Variants in SVEP1 observed in about 807,000 individuals in gnomAD.
The protein encoded by SVEP1 is sushi, von Willebrand factor type A, EGF and pentraxin domain-containing protein 1.
In SVEP1, 164 loss-of-function variants were observed where a neutral mutation model predicts 367.3. That is an observed-to-expected ratio of 0.45 (90% CI 0.39 to 0.51). The LOEUF is 0.51. Among genes scored for constraint, SVEP1 ranks in the 20% least tolerant of loss-of-function variants. The probability of loss-of-function intolerance (pLI) is 0.00; values close to 1 mark genes in which losing one functional copy is unlikely to be tolerated. For synonymous variants in SVEP1, 1,666 were observed against 1,611.6 expected, an observed-to-expected ratio of 1.03 and a Z score of -0.81; for missense variants, 4,117 against 4,425.3, an observed-to-expected ratio of 0.93 and a Z score of 1.98.
chr9:110,465,547 G>A (rs993758918), intron 18 of SVEP1, among the ~76,000 whole-genome samples: 3 of 152,088 alleles, frequency 2.0e-5, no homozygotes, highest in African/African-American at 7.2e-5. Context: ...TATAAAGGAG[G>A]GAATGAAGTT....
chr9:110,519,714 G>A (rs770621491), intron 3 of SVEP1, among the ~76,000 whole-genome samples: 45 of 152,180 alleles, frequency 3.0e-4, no homozygotes, highest in Non-Finnish European at 2.6e-4. Context: ...CCCTGATGGA[G>A]AGTGGAGGGT....
chr9:110,403,296 G>GTTTTTTTTTTTTTTTTTTTT lies in SVEP1; in HGVS notation c.9666+1011_9666+1030dup. On this transcript the variant is annotated intron_variant, in intron 39 of 47. Coordinates refer to ENST00000374469, the MANE Select transcript of SVEP1 (RefSeq NM_153366.4). ...TGATGATTCCTTCCCCGCCACCGCC[G>GTTTTTTTTTTTTTTTTTTTT]TTTTTTTTTTTTTTTTTTTTTTTTT... Among the ~76,000 whole-genome samples the GTTTTTTTTTTTTTTTTTTTT allele has an allele frequency of 6.4e-4, 28 of 43,462 alleles. 10 individuals carry two copies. The highest frequency in any genetic ancestry group is 2.7e-3 in the East Asian group (4 of 1,462). 28.5% of individuals were successfully genotyped at this position (43,462 alleles called of 152,430 possible).
intron 43 of SVEP1, among the ~76,000 whole-genome samples, chr9:110,384,399 C>G (rs530697633): frequency 1.3e-5 from 2 of 151,704 alleles, no homozygotes; most frequent in South Asian, 4.2e-4. Context: ...CCTCAGTTGC[C>G]GGTGCAGGAT....
At chr9:110,445,486 G>GC (rs1169737439) in intron 26 of SVEP1, among the ~76,000 whole-genome samples, 1 of 152,160 alleles carries the variant, frequency 6.6e-6, no homozygotes, top group African/African-American at 2.4e-5. Flanking sequence ...TTGAGACTTA[G>GC]CCCTGCTACT....
chr9:110,493,105 AG>A (rs1829394249), intron 8 of SVEP1, among the ~76,000 whole-genome samples: 1 of 151,846 alleles, frequency 6.6e-6, no homozygotes, highest in Non-Finnish European at 1.5e-5. Flanking sequence ...ACTCTGCTCT[AG>A]GGGTTTTGAG....
At chr9:110,368,856 G>A (rs1322365284) in intron 47 of SVEP1, among the ~76,000 whole-genome samples, 1 of 152,078 alleles carries the variant, frequency 6.6e-6, no homozygotes, top group Admixed American at 6.5e-5. Context: ...ATGATGTGAG[G>A]AAATTCACTG....
chr9:110,439,370 C>T (rs530467010), intron 27 of SVEP1, among the ~76,000 whole-genome samples: 2 of 152,188 alleles, frequency 1.3e-5, no homozygotes, highest in African/African-American at 4.8e-5. Context: ...TGCAGGACTA[C>T]AAGAACATTA....
intron 27 of SVEP1, among the ~76,000 whole-genome samples, chr9:110,437,663 T>C (rs1285926398): frequency 6.6e-6 from 1 of 152,324 alleles, no homozygotes; most frequent in African/African-American, 2.4e-5. Flanking sequence ...TCAATAGTTT[T>C]TGGGGAATGG....
chr9:110,442,851 G>A (rs1828532377), intron 27 of SVEP1: 8 of 152,090 alleles, frequency 5.3e-5, no homozygotes, highest in Admixed American at 5.2e-4. Flanking sequence ...GTATTTTTGT[G>A]CTATATTTAT....
intron 3 of SVEP1, 33 bp from the exon 4 acceptor site, chr9:110,514,139 A>G (rs769253814): frequency 6.3e-7 from 1 of 1,596,734 alleles, no homozygotes; most frequent in African/African-American, 1.3e-5. Flanking sequence ...AGTCCATGTT[A>G]TGTGGCACAT....
chr9:110,414,890 T>C (rs190630502), intron 36 of SVEP1, among the ~76,000 whole-genome samples: 1 of 152,050 alleles, frequency 6.6e-6, no homozygotes, highest in Admixed American at 6.5e-5. Flanking sequence ...ACATATCTAA[T>C]AATTGCATTT....
At chr9:110,368,124 G>C (rs1388803710) in intron 47 of SVEP1, among the ~76,000 whole-genome samples, 1 of 139,892 alleles carries the variant, frequency 7.1e-6, no homozygotes, top group Admixed American at 7.1e-5. Context: ...GAACTAAACA[G>C]AAGAAAACCA....
intron 9 of SVEP1, among the ~76,000 whole-genome samples, chr9:110,489,114 T>C (rs1829328886): frequency 6.6e-6 from 1 of 151,918 alleles, no homozygotes; most frequent in Admixed American, 6.6e-5. Context: ...AGAGAAGTGG[T>C]AATAGTTAAA....
intron 22 of SVEP1, among the ~76,000 whole-genome samples, chr9:110,455,145 A>G (rs1419404376): frequency 1.3e-5 from 2 of 152,354 alleles, no homozygotes; most frequent in East Asian, 3.9e-4. Context: ...ACACACACAC[A>G]TGAACATCCA....
At chr9:110,398,130 A>G (rs368097544) in intron 40 of SVEP1, among the ~76,000 whole-genome samples, 35 of 151,926 alleles carry the variant, frequency 2.3e-4, no homozygotes, top group African/African-American at 5.1e-4. Context: ...CATGGTACTG[A>G]TACCAAAACA....
intron 15 of SVEP1, among the ~76,000 whole-genome samples, chr9:110,471,949 G>C (rs945041655): frequency 3.9e-5 from 6 of 152,052 alleles, no homozygotes; most frequent in African/African-American, 1.4e-4. Context: ...AGATGAGAAC[G>C]AAGTAGGGTG....
At chr9:110,384,855 A>G (rs17733725) in intron 43 of SVEP1, among the ~76,000 whole-genome samples, 28,859 of 152,204 alleles carry the variant, frequency 0.19, 2,909 homozygotes, top group Middle Eastern at 0.32. Context: ...ATACATTCTT[A>G]CACTATGCAG....
chr9:110,538,211 A>C (rs960261953), intron 3 of SVEP1, among the ~76,000 whole-genome samples: 1 of 152,036 alleles, frequency 6.6e-6, no homozygotes, highest in Non-Finnish European at 1.5e-5. Flanking sequence ...GAAATGGAAC[A>C]AACTAGCCTG....
At position 110,425,211 on chromosome 9, in the gene SVEP1, A is replaced by T. The variant is rs531772804; in HGVS notation, c.5975+2380T>A. Among the ~76,000 whole-genome samples, 17 of 152,144 alleles carry T rather than the reference A, an allele frequency of 1.1e-4. No homozygotes were observed. In the South Asian group the frequency reaches 3.1e-3, roughly 28 times the overall value. ...CAGAAAAAGACTACACGTGGTAGTG[A>T]TTTGGGACTATGTGTACTTCATATT... On this transcript the variant is annotated intron_variant, in intron 36 of 47. Transcript: ENST00000374469.
Sources: allele counts gnomAD v4.1 joint callset (sites outside exome capture counted in the v4.1 genomes callset), GRCh38; gene constraint gnomAD v4.1.1; transcripts MANE v1.5; gene names NCBI Gene and HGNC (gene_info 2026-07-23, HGNC 2026-07-21).